ZNF846: variants seen among roughly 807,000 people sequenced by gnomAD.
ZNF846 encodes zinc finger protein 420 pseudogene.
ZNF846 carries 15 observed loss-of-function variants against 16.0 expected under a neutral mutation model. That is an observed-to-expected ratio of 0.94 (90% confidence interval 0.63 to 1.45). The LOEUF is 1.45. Among genes scored for constraint, ZNF846 ranks in the 40% most tolerant of loss-of-function variants. The pLI, the probability that ZNF846 is intolerant of heterozygous loss-of-function variation, is 0.00. For missense variants in ZNF846, 714 were observed against 622.3 expected (o/e 1.15, Z -1.57); for synonymous variants, 229 against 212.0 (o/e 1.08, Z -0.70).
exon 3 of ZNF846, chr19:9,763,345 G>C: frequency 1.2e-6 from 2 of 1,611,546 alleles, no homozygotes; most frequent in Non-Finnish European, 1.7e-6. Flanking sequence ...CTCTGGGCTT[G>C]ATCCAACAAA....
At chr19:9,764,665 G>T in intron 2 of ZNF846, 1 of 475,310 alleles carries the variant, frequency 2.1e-6, no homozygotes, top group Non-Finnish European at 3.8e-6. Context: ...TATCTTGTGT[G>T]TGTCTATTAT....
downstream of ZNF846, chr19:9,757,364 T>A (rs1459138432): frequency 1.1e-6 from 1 of 873,816 alleles, no homozygotes; most frequent in African/African-American, 1.7e-5. Context: ...GTTAAATTCA[T>A]TCCTATTATA....
intron 1 of ZNF846, among the ~76,000 whole-genome samples, chr19:9,777,151 A>G (rs376316970): frequency 0.026 from 3,518 of 137,282 alleles, 115 homozygotes; most frequent in African/African-American, 0.094. Flanking sequence ...ACACACACGC[A>G]CACACACACA....
chr19:9,766,898 C>CAAA lies in ZNF846; in HGVS notation c.-86+1388_-86+1390dup, dbSNP rs939656218. Among the ~76,000 whole-genome samples, 381 of 92,742 alleles carry CAAA rather than the reference C, an allele frequency of 4.1e-3. 2 individuals carry two copies. The highest frequency in any genetic ancestry group is 0.013 in the African/African-American group (367 of 27,794). The allele number at this position is 92,742 out of a possible 152,430, so 60.8% of individuals were successfully genotyped here. A position where few individuals can be genotyped will look rare whatever the true frequency, so the allele number is the denominator to read the frequency against. Reference sequence around the variant, plus strand: ...CTGGCAACAGAGCAAGACTCTGTCTCAAAAAAAAAAAAAAAAAAGTGTTCT... The same window carrying CAAA: ...CTGGCAACAGAGCAAGACTCTGTCTCAAAAAAAAAAAAAAAAAAAAAGTGTTCT... On this transcript the variant is annotated intron_variant, in intron 1 of 5. Coordinates refer to ENST00000397902, the Ensembl canonical transcript of ZNF846.
At chr19:9,750,174 A>C (rs555880295), downstream of ZNF846, among the ~76,000 whole-genome samples, 21 of 152,248 alleles carry the variant, frequency 1.4e-4, no homozygotes, top group East Asian at 3.9e-3. Context: ...AAACTAAAAA[A>C]CATTGGCAGT....
Position 9,759,953 on chromosome 19 carries a change from G to T in ZNF846, c.230-11C>A, listed in dbSNP as rs1230661356. On this transcript the variant is annotated splice_polypyrimidine_tract_variant and intron_variant, in intron 4 of 5. Coordinates refer to ENST00000397902, the Ensembl canonical transcript of ZNF846. ...GTTGCAAATCCAATTCTGAAATAAAGTGAAAAATGCAGCTTGGGAGAAAAA... is the reference window on the plus strand; with the variant it reads ...GTTGCAAATCCAATTCTGAAATAAATTGAAAAATGCAGCTTGGGAGAAAAA... 1 of 1,608,046 alleles carries T rather than the reference G, an allele frequency of 6.2e-7. No homozygotes were observed.
intron 1 of ZNF846, among the ~76,000 whole-genome samples, chr19:9,783,544 A>AAAT (rs1555714920): frequency 4.9e-4 from 53 of 108,788 alleles, no homozygotes; most frequent in East Asian, 9.1e-4. Flanking sequence ...AAAAAAAAAA[A>AAAT]ATATATATAT....
intron 2 of ZNF846, 127 bp downstream of exon 2, chr19:9,764,809 C>T: frequency 8.8e-7 from 1 of 1,132,132 alleles, no homozygotes; most frequent in Admixed American, 1.8e-5. Context: ...GAGAAATTCA[C>T]CTGGGGAGTT....
At chr19:9,778,148 T>G (rs913019266) in intron 1 of ZNF846, among the ~76,000 whole-genome samples, 14 of 152,028 alleles carry the variant, frequency 9.2e-5, no homozygotes, top group African/African-American at 2.4e-5. Context: ...ACAACTGCCT[T>G]AAAGATGTTC....
intron 3 of ZNF846, among the ~76,000 whole-genome samples, chr19:9,762,793 A>C (rs146703203): frequency 1.2e-3 from 183 of 152,322 alleles, no homozygotes; most frequent in African/African-American, 4.3e-3. Context: ...TAAACAAAAA[A>C]ACTGGTCTGT....
Position 9,774,452 on chromosome 19 carries a change from A to C in ZNF846, c.-85-9417T>G, listed in dbSNP as rs1293223118. On this transcript the variant is annotated intron_variant, in intron 1 of 4. Coordinates refer to the ZNF846 transcript ENST00000586814. ...CACTGCACTCCAGCCTGGGCAACAGAGCAAGACTCCGTCTCAAAAAAAAAA... is the reference window on the plus strand; with the variant it reads ...CACTGCACTCCAGCCTGGGCAACAGCGCAAGACTCCGTCTCAAAAAAAAAA... 4.0e-6 allele frequency: 3 copies of C among 749,084 alleles called. No individual in the cohort carries two copies. The East Asian group carries it at 8.2e-5, about 21-fold the overall frequency. 46.4% of individuals were successfully genotyped at this position (749,084 alleles called of 1,614,324 possible).
At chr19:9,757,322 C>A (rs2045147026), downstream of ZNF846, among the ~76,000 whole-genome samples, 1 of 151,772 alleles carries the variant, frequency 6.6e-6, no homozygotes, top group Non-Finnish European at 1.5e-5. Flanking sequence ...CTACTCTTGC[C>A]TATTCCTTAT....
rs1017205238 is a variant in ZNF846 at position 9,775,008 on chromosome 19, G to A, written c.-85-9973C>T. 8 of 1,539,540 alleles carry A rather than the reference G, an allele frequency of 5.2e-6. No individual in the cohort carries two copies. In the Admixed American group the frequency reaches 1.5e-4, roughly 29 times the overall value. On this transcript the variant is annotated intron_variant, in intron 1 of 4. Transcript: ENST00000586814. ...CAAGTGTAAGCAGAGGCCCCATGCAGTGCATTCAGACACCCGGCAAAGCAG... is the reference window on the plus strand; with the variant it reads ...CAAGTGTAAGCAGAGGCCCCATGCAATGCATTCAGACACCCGGCAAAGCAG...
At chr19:9,767,199 G>A (rs1214895029) in intron 1 of ZNF846, among the ~76,000 whole-genome samples, 4 of 151,756 alleles carry the variant, frequency 2.6e-5, no homozygotes, top group East Asian at 2.0e-4. Flanking sequence ...GCATTGCCAC[G>A]ATCTCAGCTC....
chr19:9,762,338 T>C (rs2045244644), intron 3 of ZNF846, 170 bp from the exon 4 acceptor site: 1 of 577,662 alleles, frequency 1.7e-6, no homozygotes, highest in Admixed American at 3.1e-5. Flanking sequence ...AAACTATTTT[T>C]AAAATAACAA....
At chr19:9,763,246 C>G in intron 3 of ZNF846, 36 bp downstream of exon 3, 1 of 1,511,640 alleles carries the variant, frequency 6.6e-7, no homozygotes, top group Non-Finnish European at 8.9e-7. Flanking sequence ...CATTGATTTC[C>G]TAAAGGGGTC....
chr19:9,778,700 G>T (rs1020466698), intron 1 of ZNF846, among the ~76,000 whole-genome samples: 1 of 151,614 alleles, frequency 6.6e-6, no homozygotes, highest in African/African-American at 2.4e-5. Flanking sequence ...CTACTGAGGA[G>T]GCTGAGACGG....
At chr19:9,782,171 T>C (rs982633935) in intron 1 of ZNF846, among the ~76,000 whole-genome samples, 3 of 152,116 alleles carry the variant, frequency 2.0e-5, no homozygotes, top group South Asian at 2.1e-4. Flanking sequence ...TGCTGAAAAA[T>C]AGCTGCCCCA....
intron 3 of ZNF846, chr19:9,762,482 A>G (rs1205767818): frequency 4.3e-6 from 1 of 229,966 alleles, no homozygotes; most frequent in Non-Finnish European, 8.6e-6. Context: ...TACTAAAAAT[A>G]CAAAAATTAG....
Sources: gnomAD v4.1 joint callset for allele counts (sites outside exome capture counted in the v4.1 genomes callset) on GRCh38, gnomAD v4.1.1 for gene constraint, MANE v1.5 for transcripts, NCBI Gene and HGNC (gene_info 2026-07-23, HGNC 2026-07-21) for gene names.